Variants in RSRC1 observed in about 807,000 individuals in gnomAD.
RSRC1 encodes arginine and serine rich coiled-coil 1, also known as serine/Arginine-related protein 53.
A neutral mutation model predicts 49.1 loss-of-function variants in RSRC1; 39 were observed. That is an observed-to-expected ratio of 0.79 (90% CI 0.61 to 1.04). The LOEUF (loss-of-function observed/expected upper bound fraction) is 1.04, where lower values mean the gene tolerates loss of function less well. Ranked by LOEUF, RSRC1 falls within the 50% of genes least tolerant of loss-of-function variation. The pLI is 0.00. For synonymous variants in RSRC1, 143 were observed against 130.8 expected (o/e 1.09, Z -0.63); for missense variants, 388 against 402.4 (o/e 0.96, Z 0.31).
intron 3 of RSRC1, among the ~76,000 whole-genome samples, chr3:158,180,305 G>T (rs1719501093): frequency 6.7e-6 from 1 of 148,224 alleles, no homozygotes; most frequent in South Asian, 2.2e-4. Context: ...TTTCTTTCTA[G>T]AACTTTTATG....
At chr3:158,440,890 C>T (rs751405720) in intron 6 of RSRC1, among the ~76,000 whole-genome samples, 2 of 151,858 alleles carry the variant, frequency 1.3e-5, no homozygotes, top group Non-Finnish European at 2.9e-5. Context: ...TGCAGAGACC[C>T]GAGATCACCC....
At chr3:158,522,161 G>T (rs1711713584) in intron 7 of RSRC1, among the ~76,000 whole-genome samples, 1 of 151,758 alleles carries the variant, frequency 6.6e-6, no homozygotes, top group Non-Finnish European at 1.5e-5. Flanking sequence ...AGAATTCATA[G>T]GTCTTATTAT....
intron 6 of RSRC1, among the ~76,000 whole-genome samples, chr3:158,443,511 C>T (rs1736499782): frequency 6.6e-6 from 1 of 152,182 alleles, no homozygotes; most frequent in African/African-American, 2.4e-5. Flanking sequence ...TCAGCCTTCA[C>T]AGAATTTAAG....
chr3:158,350,179 AT>A (rs544000982), intron 5 of RSRC1, among the ~76,000 whole-genome samples: 2,433 of 126,492 alleles, frequency 0.019, 54 homozygotes, highest in African/African-American at 0.068. Flanking sequence ...TATATATATA[AT>A]TTTTTTTTTT....
At chr3:158,487,360 T>G (rs899960173) in intron 7 of RSRC1, among the ~76,000 whole-genome samples, 1 of 152,204 alleles carries the variant, frequency 6.6e-6, no homozygotes, top group African/African-American at 2.4e-5. Context: ...AAACTATACT[T>G]CTTTGATACC....
chr3:158,289,464 G>T (rs945914940), intron 4 of RSRC1, among the ~76,000 whole-genome samples: 1 of 152,154 alleles, frequency 6.6e-6, no homozygotes, highest in African/African-American at 2.4e-5. Flanking sequence ...ATCTTAAAAA[G>T]ATAACAAAAC....
chr3:158,516,004 A>T (rs1009953076), intron 7 of RSRC1, among the ~76,000 whole-genome samples: 3 of 151,008 alleles, frequency 2.0e-5, no homozygotes, highest in African/African-American at 4.9e-5. Flanking sequence ...ATTCTTCTAA[A>T]TTTTTTTCAA....
At chr3:158,392,840 C>T (rs1404784442) in intron 6 of RSRC1, among the ~76,000 whole-genome samples, 6 of 152,102 alleles carry the variant, frequency 3.9e-5, no homozygotes, top group Admixed American at 3.9e-4. Context: ...ATAATAGACA[C>T]CTGCAGAACT....
At chr3:158,238,719 A>G (rs1723386249) in intron 4 of RSRC1, among the ~76,000 whole-genome samples, 1 of 152,250 alleles carries the variant, frequency 6.6e-6, no homozygotes, top group Non-Finnish European at 1.5e-5. Context: ...AATTAATTCA[A>G]GATGGATTGA....
chr3:158,425,343 T>C (rs1208934614), intron 6 of RSRC1, among the ~76,000 whole-genome samples: 2 of 152,118 alleles, frequency 1.3e-5, no homozygotes, highest in African/African-American at 4.8e-5. Context: ...ATGTACCCAG[T>C]AGTCATTCAG....
At chr3:158,508,466 C>T (rs1464713012) in intron 7 of RSRC1, among the ~76,000 whole-genome samples, 1 of 151,822 alleles carries the variant, frequency 6.6e-6, no homozygotes, top group Non-Finnish European at 1.5e-5. Context: ...CTGTGTCATA[C>T]ATGTCGTACC....
intron 4 of RSRC1, among the ~76,000 whole-genome samples, chr3:158,280,553 A>ATG (rs1218286382): frequency 4.1e-5 from 6 of 145,184 alleles, no homozygotes; most frequent in Admixed American, 1.4e-4. Flanking sequence ...AATAATGTTT[A>ATG]TGTGTGTGTG....
intron 4 of RSRC1, among the ~76,000 whole-genome samples, chr3:158,257,803 T>C (rs1016636546): frequency 6.6e-6 from 1 of 152,162 alleles, no homozygotes; most frequent in African/African-American, 2.4e-5. Context: ...GTGTTTCTTA[T>C]ATGTTTTTTG....
At chr3:158,146,714 C>T (rs1426726854) in intron 3 of RSRC1, among the ~76,000 whole-genome samples, 1 of 152,116 alleles carries the variant, frequency 6.6e-6, no homozygotes, top group African/African-American at 2.4e-5. Context: ...GTACCAGCTC[C>T]TCCTTGTACC....
At chr3:158,227,529 T>C (rs1048215829) in intron 4 of RSRC1, among the ~76,000 whole-genome samples, 1 of 152,012 alleles carries the variant, frequency 6.6e-6, no homozygotes, top group African/African-American at 2.4e-5. Context: ...GATCACATGA[T>C]ATAAAATGAA....
At chr3:158,505,072 C>T (rs1243480878) in intron 7 of RSRC1, among the ~76,000 whole-genome samples, 1 of 152,180 alleles carries the variant, frequency 6.6e-6, no homozygotes, top group Non-Finnish European at 1.5e-5. Context: ...AATCAATAAA[C>T]TTAACAGTTG....
intron 3 of RSRC1, among the ~76,000 whole-genome samples, chr3:158,162,633 C>T (rs1718299016): frequency 6.6e-6 from 1 of 152,118 alleles, no homozygotes; most frequent in Non-Finnish European, 1.5e-5. Flanking sequence ...TTGCTTCTAG[C>T]TCATTTATAT....
chr3:158,327,536 G>A (rs545295414), intron 5 of RSRC1, among the ~76,000 whole-genome samples: 32 of 152,300 alleles, frequency 2.1e-4, no homozygotes, highest in South Asian at 1.0e-3. Context: ...ATGTAGTTGA[G>A]CAGTTTTGAG....
intron 3 of RSRC1, among the ~76,000 whole-genome samples, chr3:158,139,580 A>G (rs1716611226): frequency 1.3e-5 from 2 of 151,644 alleles, no homozygotes; most frequent in Middle Eastern, 3.5e-3. Flanking sequence ...AATAAACTGC[A>G]TTCACAGAGA....
Sources: allele counts gnomAD v4.1 joint callset (sites outside exome capture counted in the v4.1 genomes callset), GRCh38; gene constraint gnomAD v4.1.1; transcripts MANE v1.5; gene names NCBI Gene and HGNC (gene_info 2026-07-23, HGNC 2026-07-21).